Variants in SHISA6 observed in about 807,000 individuals in gnomAD.
SHISA6 encodes protein shisa-6.
A neutral mutation model predicts 47.9 loss-of-function variants in SHISA6; 22 were observed. That is an observed-to-expected ratio of 0.46 (90% CI 0.33 to 0.66). SHISA6 has a LOEUF of 0.66. Ranked by LOEUF, SHISA6 falls within the 30% of genes least tolerant of loss-of-function variation. The pLI, the probability that SHISA6 is intolerant of heterozygous loss-of-function variation, is 0.02. For synonymous variants in SHISA6, 388 were observed against 337.8 expected (o/e 1.15, Z -1.63); for missense variants, 680 against 764.6 (o/e 0.89, Z 1.30).
At chr17:11,480,398 T>C (rs1916180274) in intron 3 of SHISA6, among the ~76,000 whole-genome samples, 1 of 80,186 alleles carries the variant, frequency 1.2e-5, no homozygotes, top group Admixed American at 1.4e-4. Context: ...ATTGAGTGAA[T>C]GAGTGAATGA....
chr17:11,333,012 T>G (rs562157669), intron 2 of SHISA6, among the ~76,000 whole-genome samples: 2 of 152,322 alleles, frequency 1.3e-5, no homozygotes, highest in African/African-American at 4.8e-5. Flanking sequence ...GGGGCCTCCC[T>G]GTGCGGTGGC....
chr17:11,451,225 C>G (rs544831015), intron 3 of SHISA6, among the ~76,000 whole-genome samples: 62 of 152,152 alleles, frequency 4.1e-4, no homozygotes, highest in African/African-American at 1.5e-3. Flanking sequence ...ATTCTCTGCC[C>G]CCTTCAATAG....
intron 3 of SHISA6, among the ~76,000 whole-genome samples, chr17:11,515,362 A>AAGGAAGGAAGGAAGGAAGGG: frequency 6.9e-6 from 1 of 144,304 alleles, no homozygotes; most frequent in East Asian, 2.2e-4. Flanking sequence ...GGAAGGAAGG[A>AAGGAAGGAAGGAAGGAAGGG]AGGGAGAGAA....
chr17:11,431,332 C>T (rs1306925668), intron 3 of SHISA6, among the ~76,000 whole-genome samples: 1 of 152,198 alleles, frequency 6.6e-6, no homozygotes, highest in African/African-American at 2.4e-5. Context: ...GAGTGTGGAG[C>T]AGGAAGAGCT....
At chr17:11,498,954 C>CATT (rs1597552609) in intron 3 of SHISA6, among the ~76,000 whole-genome samples, 1 of 152,084 alleles carries the variant, frequency 6.6e-6, no homozygotes, top group Non-Finnish European at 1.5e-5. Flanking sequence ...ACTTTATTGT[C>CATT]ATTATTATTA....
intron 3 of SHISA6, among the ~76,000 whole-genome samples, chr17:11,394,874 CACAT>C (rs1913513207): frequency 1.3e-5 from 2 of 151,682 alleles, no homozygotes; most frequent in Non-Finnish European, 2.9e-5. Flanking sequence ...CACAAATATA[CACAT>C]ACATACATTA....
intron 4 of SHISA6, among the ~76,000 whole-genome samples, chr17:11,553,625 G>A (rs752237136): frequency 2.0e-5 from 3 of 152,110 alleles, no homozygotes; most frequent in Admixed American, 6.6e-5. Context: ...ACTATCAAGC[G>A]AGGAGGGGGC....
chr17:11,376,291 C>T (rs1280098110), intron 2 of SHISA6, among the ~76,000 whole-genome samples: 2 of 151,518 alleles, frequency 1.3e-5, no homozygotes, highest in African/African-American at 4.8e-5. Context: ...TCTCTTCTGT[C>T]TGCCTGCATG....
intron 2 of SHISA6, among the ~76,000 whole-genome samples, chr17:11,311,186 G>A (rs1267462554): frequency 1.3e-5 from 2 of 150,410 alleles, no homozygotes; most frequent in African/African-American, 2.4e-5. Flanking sequence ...GGAGGCTGAG[G>A]CAGGAGAATC....
At chr17:11,252,520 G>A (rs934942707) in intron 1 of SHISA6, among the ~76,000 whole-genome samples, 1 of 152,114 alleles carries the variant, frequency 6.6e-6, no homozygotes, top group Non-Finnish European at 1.5e-5. Context: ...AATTTGAAGT[G>A]GCATCTGAGA....
In SHISA6 at chr17:11,455,953, G is replaced by A. The variant is rs150346998; in HGVS notation, c.895+76444G>A. Among the ~76,000 whole-genome samples, 495 of 152,234 alleles carry A rather than the reference G, an allele frequency of 3.3e-3. 4 individuals carry two copies. Among genetic ancestry groups the A allele is most frequent in the Non-Finnish European group, 1.7e-3 (115 of 68,024 alleles). On this transcript the variant is annotated intron_variant, in intron 3 of 5. Transcript: ENST00000441885. ...CTTCTAGGGTGCGTGAAGGATTGAG[G>A]TTTGACCGTAGATGTTCAAATATAT...
chr17:11,398,753 C>T lies in SHISA6; in HGVS notation c.895+19244C>T, dbSNP rs150935881. Among the ~76,000 whole-genome samples the T allele has an allele frequency of 7.6e-3, 1,160 of 152,092 alleles. 11 individuals are homozygous for T. The highest frequency in any genetic ancestry group is 0.027 in the African/African-American group (1,111 of 41,492). ...GACTACAGGTGTGTGCCACCACGCCCAGCTAATTTTTGTATTTTTAGTAGA... is the reference window on the plus strand; with the variant it reads ...GACTACAGGTGTGTGCCACCACGCCTAGCTAATTTTTGTATTTTTAGTAGA... On this transcript the variant is annotated intron_variant, in intron 3 of 5. Transcript: ENST00000441885.
chr17:11,379,158 TAC>T (rs1319062272), intron 2 of SHISA6, among the ~76,000 whole-genome samples: 1 of 148,306 alleles, frequency 6.7e-6, no homozygotes, highest in African/African-American at 2.5e-5. Context: ...TACTAATATA[TAC>T]ACACATATAT....
intron 2 of SHISA6, among the ~76,000 whole-genome samples, chr17:11,298,555 A>C (rs1276432927): frequency 6.6e-6 from 1 of 152,216 alleles, no homozygotes; most frequent in Non-Finnish European, 1.5e-5. Context: ...GCCAGCAGGC[A>C]ACAGGTGATG....
At chr17:11,300,149 C>CAAAAAAAAAAAAAAAAAAAAAAAAAAAA (rs56060137) in intron 2 of SHISA6, among the ~76,000 whole-genome samples, 1 of 129,152 alleles carries the variant, frequency 7.7e-6, no homozygotes, top group Admixed American at 8.0e-5. Flanking sequence ...CATCTTAAAA[C>CAAAAAAAAAAAAAAAAAAAAAAAAAAAA]AAAAAAAAAA....
intron 2 of SHISA6, among the ~76,000 whole-genome samples, chr17:11,329,489 G>C (rs1911024284): frequency 6.6e-6 from 1 of 151,960 alleles, no homozygotes; most frequent in Admixed American, 6.6e-5. Flanking sequence ...ATACATTTTT[G>C]GCCCTGCCCT....
chr17:11,481,390 A>G (rs1319497858), intron 3 of SHISA6, among the ~76,000 whole-genome samples: 2 of 149,782 alleles, frequency 1.3e-5, no homozygotes, highest in Admixed American at 1.3e-4. Flanking sequence ...ATATATATTT[A>G]GAAACATAAG....
At chr17:11,415,265 A>G (rs1205402236) in intron 3 of SHISA6, among the ~76,000 whole-genome samples, 1 of 152,184 alleles carries the variant, frequency 6.6e-6, no homozygotes, top group Admixed American at 6.5e-5. Context: ...TATATCTGAT[A>G]AAACTGAGGC....
chr17:11,312,229 T>C (rs1910363885), intron 2 of SHISA6, among the ~76,000 whole-genome samples: 1 of 152,184 alleles, frequency 6.6e-6, no homozygotes, highest in African/African-American at 2.4e-5. Context: ...TCTCTTCATT[T>C]CCCTGAGTTT....
Sources: allele counts gnomAD v4.1 joint callset (sites outside exome capture counted in the v4.1 genomes callset), GRCh38; gene constraint gnomAD v4.1.1; transcripts MANE v1.5; gene names NCBI Gene and HGNC (gene_info 2026-07-23, HGNC 2026-07-21).